ELAPOR2: variants seen among roughly 807,000 people sequenced by gnomAD.
ELAPOR2 encodes the protein endosome/lysosome-associated apoptosis and autophagy regulator family member 2.
Under a neutral mutation model 120.7 loss-of-function variants are expected in ELAPOR2, and 89 were observed. That is an observed-to-expected ratio of 0.74 (90% CI 0.62 to 0.88). The LOEUF is 0.88. Among genes scored for constraint, ELAPOR2 ranks in the 40% least tolerant of loss-of-function variants. The probability of loss-of-function intolerance (pLI) is 0.00; values close to 1 mark genes in which losing one functional copy is unlikely to be tolerated. For missense variants in ELAPOR2, 1,134 were observed against 1,251.6 expected, an observed-to-expected ratio of 0.91 and a Z score of 1.42; for synonymous variants, 444 against 444.9, an observed-to-expected ratio of 1.00 and a Z score of 0.03.
intron 21 of ELAPOR2, among the ~76,000 whole-genome samples, chr7:86,882,341 A>T (rs1799452795): frequency 6.6e-6 from 1 of 152,186 alleles, no homozygotes; most frequent in Non-Finnish European, 1.5e-5. Flanking sequence ...CTCAAAAGAA[A>T]ACATGAGATT....
chr7:86,955,076 C>T (rs1254047067), intron 2 of ELAPOR2, among the ~76,000 whole-genome samples: 2 of 152,000 alleles, frequency 1.3e-5, no homozygotes, highest in East Asian at 1.9e-4. Flanking sequence ...TCTTTTCACA[C>T]ACCAAAAAAG....
intron 19 of ELAPOR2, among the ~76,000 whole-genome samples, chr7:86,894,091 C>G (rs371438750): frequency 6.6e-6 from 1 of 151,978 alleles, no homozygotes; most frequent in Non-Finnish European, 1.5e-5. Context: ...AATACACAAA[C>G]AATTTTGCAG....
rs992922957 is a variant in ELAPOR2 at position 86,913,155 on chromosome 7, G to A, written c.1781C>T (p.Thr594Ile). Residue 594 changes from threonine to isoleucine, a missense_variant, in exon 14 of 22, where the codon ACT becomes ATT. Transcript: ENST00000450689. ...DMVKIYSITA[T>I]NAVDGVASSC... ...GGACGCCACCCCATCAACTGCATTA[G>A]TGGCTGTGATAGAATAAATCTTCAC... 5 of 1,613,892 alleles carry A rather than the reference G, an allele frequency of 3.1e-6. No homozygotes were observed. The African/African-American group carries it at 6.7e-5, about 22-fold the overall frequency.
chr7:86,991,531 CAT>C (rs997878155), intron 1 of ELAPOR2, among the ~76,000 whole-genome samples: 12 of 152,296 alleles, frequency 7.9e-5, no homozygotes, highest in Admixed American at 5.9e-4. Context: ...CACACACACA[CAT>C]GACTTTTCTG....
At chr7:86,923,058 A>T (rs2116200528) in intron 10 of ELAPOR2, among the ~76,000 whole-genome samples, 1 of 152,132 alleles carries the variant, frequency 6.6e-6, no homozygotes, top group East Asian at 1.9e-4. Context: ...TTTAAAATAT[A>T]TAACTTAGAT....
At chr7:87,018,011 C>G (rs1357176162) in intron 1 of ELAPOR2, among the ~76,000 whole-genome samples, 1 of 152,130 alleles carries the variant, frequency 6.6e-6, no homozygotes, top group African/African-American at 2.4e-5. Context: ...CCATTTCACA[C>G]TGGCAGAAAA....
intron 8 of ELAPOR2, among the ~76,000 whole-genome samples, chr7:86,931,232 C>CAT (rs1485656128): frequency 6.6e-6 from 1 of 151,382 alleles, no homozygotes; most frequent in African/African-American, 2.4e-5. Flanking sequence ...TATGTATACA[C>CAT]ATATATATAC....
intron 1 of ELAPOR2, among the ~76,000 whole-genome samples, chr7:86,995,237 A>T (rs1336732575): frequency 6.6e-6 from 1 of 152,184 alleles, no homozygotes; most frequent in African/African-American, 2.4e-5. Flanking sequence ...ACCTCTAATC[A>T]CTGTGAAGGA....
chr7:87,048,291 T>C (rs1428863790), intron 1 of ELAPOR2, among the ~76,000 whole-genome samples: 1 of 151,248 alleles, frequency 6.6e-6, no homozygotes. Flanking sequence ...TGGAGTACTA[T>C]TCAGACATAA....
chr7:87,042,838 G>A lies in ELAPOR2; in HGVS notation c.189+16487C>T, dbSNP rs1329610636. Among the ~76,000 whole-genome samples, 51 of 152,014 alleles carry A rather than the reference G, an allele frequency of 3.4e-4. 2 individuals carry two copies. Among genetic ancestry groups the A allele is most frequent in the Non-Finnish European group, 4.4e-5 (3 of 67,974 alleles). ...AATCCAGGAGCTGGTTTTTTGAAAG[G>A]ATCAACAAAATTGAATGACCACTAG... On this transcript the variant is annotated intron_variant, in intron 1 of 21. Coordinates refer to ENST00000450689, the MANE Select transcript of ELAPOR2 (RefSeq NM_001142749.3).
At chr7:86,927,646 G>A (rs192134196) in intron 8 of ELAPOR2, among the ~76,000 whole-genome samples, 1 of 151,878 alleles carries the variant, frequency 6.6e-6, no homozygotes, top group East Asian at 1.9e-4. Flanking sequence ...CTGTAACTCA[G>A]TCAAACCCCA....
chr7:86,912,049 T>C (rs1789337284), intron 15 of ELAPOR2, 23 bp downstream of exon 15: 1 of 1,588,970 alleles, frequency 6.3e-7, no homozygotes, highest in South Asian at 1.1e-5. Context: ...TAGGTCCATC[T>C]CACCTTGACA....
At chr7:87,045,910 A>T (rs1196528798) in intron 1 of ELAPOR2, among the ~76,000 whole-genome samples, 1 of 152,064 alleles carries the variant, frequency 6.6e-6, no homozygotes, top group Non-Finnish European at 1.5e-5. Flanking sequence ...AAGAATGCCC[A>T]CTGTCACCAC....
chr7:86,941,889 AT>A (rs1414361970), intron 5 of ELAPOR2, 128 bp downstream of exon 5: 2 of 570,882 alleles, frequency 3.5e-6, no homozygotes, highest in Admixed American at 6.2e-5. Context: ...TAATTTTGAT[AT>A]TTTTTCTTAA....
intron 18 of ELAPOR2, among the ~76,000 whole-genome samples, chr7:86,899,066 G>C (rs28664155): frequency 2.6e-4 from 40 of 152,102 alleles, no homozygotes; most frequent in African/African-American, 9.7e-4. Context: ...GAAGATGATG[G>C]ATGTGGATGG....
rs544347436 is a variant in ELAPOR2 at position 86,980,450 on chromosome 7, C to T, written c.190-15426G>A. Among the ~76,000 whole-genome samples, 7 of 152,320 alleles carry T rather than the reference C, an allele frequency of 4.6e-5. No individual in the cohort carries two copies. The East Asian group carries it at 1.4e-3, about 29-fold the overall frequency. On this transcript the variant is annotated intron_variant, in intron 1 of 21. Transcript: ENST00000450689. ...TTCCTATCTCAGCTGGATCCCCACC[C>T]GCTTTCTGCAGTCTTTACGGACACC...
chr7:86,897,345 A>G (rs1788481800), intron 19 of ELAPOR2, among the ~76,000 whole-genome samples, 161 bp downstream of exon 19: 1 of 152,170 alleles, frequency 6.6e-6, no homozygotes, highest in South Asian at 2.1e-4. Context: ...CTACCCTAGC[A>G]TCTGAGAGTT....
At chr7:86,993,258 AAAAGAAAAGG>A (rs1194303446) in intron 1 of ELAPOR2, among the ~76,000 whole-genome samples, 3 of 150,246 alleles carry the variant, frequency 2.0e-5, no homozygotes, top group African/African-American at 7.4e-5. Flanking sequence ...AAAGAAAAAG[AAAAGAAAAGG>A]AAAGAAAAAG....
chr7:86,973,873 T>C (rs1792186407), intron 1 of ELAPOR2, among the ~76,000 whole-genome samples: 1 of 152,122 alleles, frequency 6.6e-6, no homozygotes, highest in African/African-American at 2.4e-5. Context: ...CCCTCTTGCC[T>C]GGTCTAAAGG....
Sources: gnomAD v4.1 joint callset for allele counts (sites outside exome capture counted in the v4.1 genomes callset) on GRCh38, gnomAD v4.1.1 for gene constraint, MANE v1.5 for transcripts, NCBI Gene and HGNC (gene_info 2026-07-23, HGNC 2026-07-21) for gene names.